ZNF277: variants seen among roughly 807,000 people sequenced by gnomAD.
ZNF277 encodes zinc finger protein 277, also known as nuclear receptor-interacting factor 4.
In ZNF277, 55 loss-of-function variants were observed where a neutral mutation model predicts 60.7. The ratio of observed to expected loss-of-function variants is 0.91; its 90% CI spans 0.73 to 1.13. The LOEUF is 1.13. Among genes scored for constraint, ZNF277 ranks in the 50% most tolerant of loss-of-function variants. The pLI is 0.00. For synonymous variants in ZNF277, 178 were observed against 179.3 expected (o/e 0.99, Z 0.06); for missense variants, 510 against 523.0 (o/e 0.98, Z 0.24).
At chr7:112,290,042 T>C (rs1252044183) in intron 2 of ZNF277, among the ~76,000 whole-genome samples, 1 of 152,128 alleles carries the variant, frequency 6.6e-6, no homozygotes, top group African/African-American at 2.4e-5. Flanking sequence ...CCCAGGCTGG[T>C]CTAGAACTCC....
chr7:112,277,143 G>T (rs1341361618), intron 1 of ZNF277, among the ~76,000 whole-genome samples: 2 of 143,556 alleles, frequency 1.4e-5, no homozygotes, highest in East Asian at 4.0e-4. Flanking sequence ...GAGTGCAGTG[G>T]CACGATCTCG....
chr7:112,340,448 C>T (rs1793421376), intron 10 of ZNF277, among the ~76,000 whole-genome samples: 1 of 152,348 alleles, frequency 6.6e-6, no homozygotes, highest in East Asian at 1.9e-4. Flanking sequence ...ACTTACTTCT[C>T]ACAGCTCAGC....
intron 1 of ZNF277, among the ~76,000 whole-genome samples, chr7:112,250,862 T>C (rs1469289536): frequency 1.3e-5 from 2 of 152,162 alleles, no homozygotes; most frequent in East Asian, 1.9e-4. Context: ...CCAATAAACA[T>C]TAATTTTTAT....
intron 11 of ZNF277, among the ~76,000 whole-genome samples, chr7:112,341,772 C>T (rs938652787): frequency 6.6e-6 from 1 of 152,182 alleles, no homozygotes; most frequent in Admixed American, 6.5e-5. Flanking sequence ...CTGTGGGGTT[C>T]TAGCTGCCCA....
chr7:112,245,281 A>G (rs933596360), intron 1 of ZNF277, among the ~76,000 whole-genome samples: 5 of 152,178 alleles, frequency 3.3e-5, no homozygotes, highest in African/African-American at 1.2e-4. Context: ...GGATCAATCC[A>G]TAGATTCTGA....
At chr7:112,329,815 C>G (rs1246355292) in intron 6 of ZNF277, among the ~76,000 whole-genome samples, 1 of 152,002 alleles carries the variant, frequency 6.6e-6, no homozygotes, top group Non-Finnish European at 1.5e-5. Flanking sequence ...AGTAAAGAAC[C>G]AAAATAATTT....
At chr7:112,250,169 T>A (rs1311801910) in intron 1 of ZNF277, among the ~76,000 whole-genome samples, 1 of 152,048 alleles carries the variant, frequency 6.6e-6, no homozygotes, top group African/African-American at 2.4e-5. Flanking sequence ...GGGCGTTTAG[T>A]CTCAACTCTT....
chr7:112,274,757 ACTCTG>A (rs906302767), intron 1 of ZNF277, among the ~76,000 whole-genome samples: 4 of 152,152 alleles, frequency 2.6e-5, no homozygotes, highest in Non-Finnish European at 5.9e-5. Context: ...CCAAAGTAAT[ACTCTG>A]TCATATCAAA....
intron 4 of ZNF277, 71 bp downstream of exon 4, chr7:112,296,382 T>C: frequency 1.5e-5 from 9 of 588,894 alleles, no homozygotes; most frequent in African/African-American, 1.4e-4. Context: ...TCATATTGGT[T>C]TTTTTTTTTT....
intron 1 of ZNF277, among the ~76,000 whole-genome samples, chr7:112,238,807 T>TTTTTTTTTTG (rs1790869276): frequency 2.0e-5 from 3 of 150,548 alleles, no homozygotes; most frequent in Admixed American, 6.6e-5. Flanking sequence ...ATTTTTTTTT[T>TTTTTTTTTTG]ATTTCAATAG....
intron 1 of ZNF277, among the ~76,000 whole-genome samples, chr7:112,212,063 A>G (rs1398557389): frequency 6.6e-6 from 1 of 152,256 alleles, no homozygotes; most frequent in Non-Finnish European, 1.5e-5. Flanking sequence ...TAAAATGCAA[A>G]ATATCAGGAG....
At chr7:112,291,851 A>T (rs115947382) in intron 2 of ZNF277, among the ~76,000 whole-genome samples, 1,955 of 152,316 alleles carry the variant, frequency 0.013, 42 homozygotes, top group African/African-American at 0.045. Context: ...TCTATAGTAT[A>T]CCACAGTAAG....
chr7:112,293,579 C>CAAAA (rs35455828), intron 2 of ZNF277, among the ~76,000 whole-genome samples: 42 of 115,014 alleles, frequency 3.7e-4, no homozygotes, highest in African/African-American at 4.9e-4. Context: ...GATCTTATCT[C>CAAAA]AAAAAAAAAA....
chr7:112,308,716 T>A (rs1217751925), intron 4 of ZNF277, among the ~76,000 whole-genome samples: 1 of 152,042 alleles, frequency 6.6e-6, no homozygotes. Context: ...AGAGGAAAGA[T>A]GTTTTCCCTC....
At chr7:112,218,305 A>G (rs1242233882) in intron 1 of ZNF277, among the ~76,000 whole-genome samples, 2 of 152,230 alleles carry the variant, frequency 1.3e-5, no homozygotes, top group African/African-American at 2.4e-5. Flanking sequence ...GAAGAACCAC[A>G]ATAGACTTCA....
chr7:112,257,968 A>G (rs1426960905), intron 1 of ZNF277, among the ~76,000 whole-genome samples: 1 of 152,008 alleles, frequency 6.6e-6, no homozygotes, highest in Non-Finnish European at 1.5e-5. Context: ...ACACACCACC[A>G]GGCCTGGCTA....
At chr7:112,213,781 A>C (rs919571397) in intron 1 of ZNF277, among the ~76,000 whole-genome samples, 1 of 152,240 alleles carries the variant, frequency 6.6e-6, no homozygotes, top group Non-Finnish European at 1.5e-5. Flanking sequence ...CTCTAAAGCC[A>C]ATGTTACCAT....
chr7:112,276,065 A>G (rs922139903), intron 1 of ZNF277, among the ~76,000 whole-genome samples: 1 of 152,218 alleles, frequency 6.6e-6, no homozygotes, highest in Non-Finnish European at 1.5e-5. Flanking sequence ...CCATTTCTAC[A>G]AAGAGGTCCA....
intron 1 of ZNF277, among the ~76,000 whole-genome samples, chr7:112,268,267 AAC>A (rs137892891): frequency 0.043 from 6,545 of 150,524 alleles, 337 homozygotes; most frequent in African/African-American, 0.13. Context: ...CGCACACACA[AAC>A]ACACACACAC....
Sources: allele counts gnomAD v4.1 joint callset (sites outside exome capture counted in the v4.1 genomes callset), GRCh38; gene constraint gnomAD v4.1.1; transcripts MANE v1.5; gene names NCBI Gene and HGNC (gene_info 2026-07-23, HGNC 2026-07-21).